STX18: variants seen among roughly 807,000 people sequenced by gnomAD.
The protein encoded by STX18 is syntaxin 18.
Under a neutral mutation model 50.1 loss-of-function variants are expected in STX18, and 40 were observed. The ratio of observed to expected loss-of-function variants is 0.80; its 90% CI spans 0.62 to 1.04. The LOEUF is 1.04. STX18 is among the 50% of genes least tolerant of loss of function. The pLI is 0.00. For synonymous variants in STX18, 158 were observed against 151.8 expected (o/e 1.04, Z -0.30); for missense variants, 410 against 415.8 (o/e 0.99, Z 0.12).
At chr4:4,437,157 C>T (rs1309312653) in intron 6 of STX18, among the ~76,000 whole-genome samples, 2 of 152,006 alleles carry the variant, frequency 1.3e-5, no homozygotes, top group Non-Finnish European at 2.9e-5. Flanking sequence ...TGGGGTTTTT[C>T]CATGTTAGGC....
intron 7 of STX18, 45 bp downstream of exon 7, chr4:4,434,725 T>C (rs779351757): frequency 2.1e-5 from 32 of 1,531,228 alleles, no homozygotes; most frequent in South Asian, 2.4e-5. Flanking sequence ...AACAGTCTTA[T>C]GAAAACCAGT....
At chr4:4,535,064 C>T (rs1731268564) in intron 1 of STX18, among the ~76,000 whole-genome samples, 1 of 152,214 alleles carries the variant, frequency 6.6e-6, no homozygotes, top group Non-Finnish European at 1.5e-5. Flanking sequence ...GTGCCACTGC[C>T]TTTGCTCACA....
Position 4,420,361 on chromosome 4 carries a change from A to C in STX18, c.913-232T>G. ...GTCCTGCACAATTCTCCCTCAACAC[A>C]ACTCTCGGAATCACTCCCTTCTGTC... On this transcript the variant is annotated intron_variant, in intron 10 of 10. Transcript: ENST00000306200. This position sits in a 1 kb window ranked among gnomAD's most constrained non-coding sequence, Gnocchi z 4.3. 1 of 515,934 alleles carries C rather than the reference A, an allele frequency of 1.9e-6. No homozygotes were observed. Among genetic ancestry groups the C allele is most frequent in the South Asian group, 2.3e-5 (1 of 43,438 alleles). 32.0% of individuals were successfully genotyped at this position (515,934 alleles called of 1,614,324 possible). A position where few individuals can be genotyped will look rare whatever the true frequency, so the allele number is the denominator to read the frequency against.
chr4:4,447,577 C>T (rs1159932633), intron 5 of STX18, among the ~76,000 whole-genome samples: 4 of 106,108 alleles, frequency 3.8e-5, no homozygotes, highest in African/African-American at 1.1e-4. Context: ...GGCGACAGAG[C>T]GAGACTCCGT....
At chr4:4,451,963 G>C (rs1222460137) in intron 5 of STX18, among the ~76,000 whole-genome samples, 1 of 152,218 alleles carries the variant, frequency 6.6e-6, no homozygotes, top group South Asian at 2.1e-4. Context: ...CGAAGAGTTA[G>C]CCAAGTTGTG....
At chr4:4,433,791 C>CCTCAG (rs1043115545) in intron 7 of STX18, among the ~76,000 whole-genome samples, 12 of 152,168 alleles carry the variant, frequency 7.9e-5, no homozygotes, top group African/African-American at 2.4e-4. Context: ...AACACAAACG[C>CCTCAG]CTCAGTCTGA....
chr4:4,499,619 G>A (rs765140685), intron 1 of STX18: 7 of 765,194 alleles, frequency 9.1e-6, no homozygotes, highest in Non-Finnish European at 1.1e-5. Flanking sequence ...TTATTCAATA[G>A]CTAATCCAAC....
chr4:4,457,351 C>G (rs1577339986), intron 4 of STX18, 72 bp downstream of exon 4: 1 of 1,565,326 alleles, frequency 6.4e-7, no homozygotes. Flanking sequence ...CAGTCTTCAG[C>G]TAGCAAAGCT....
chr4:4,471,394 G>A (rs879922298), intron 2 of STX18, among the ~76,000 whole-genome samples: 8 of 152,336 alleles, frequency 5.3e-5, no homozygotes, highest in East Asian at 1.9e-4. Context: ...TCATTTGACA[G>A]GAGATAATGG....
At chr4:4,459,306 T>A (rs1727253584) in intron 3 of STX18, 66 bp downstream of exon 3, 2 of 1,129,820 alleles carry the variant, frequency 1.8e-6, no homozygotes, top group Admixed American at 1.8e-5. Flanking sequence ...GGCCGCACCA[T>A]ATGCATCTTG....
At chr4:4,443,594 C>T (rs1418417235) in intron 5 of STX18, among the ~76,000 whole-genome samples, 1 of 152,150 alleles carries the variant, frequency 6.6e-6, no homozygotes, top group Non-Finnish European at 1.5e-5. Context: ...GAAGGTATTA[C>T]AAGAAGAGAA....
chr4:4,470,914 C>T (rs945190059), intron 2 of STX18, among the ~76,000 whole-genome samples: 2 of 152,148 alleles, frequency 1.3e-5, no homozygotes, highest in African/African-American at 4.8e-5. Flanking sequence ...TCATGGTGGG[C>T]TTACTCAGGT....
At chr4:4,472,242 C>A (rs112145901) in intron 1 of STX18, among the ~76,000 whole-genome samples, 1 of 152,296 alleles carries the variant, frequency 6.6e-6, no homozygotes, top group Non-Finnish European at 1.5e-5. Flanking sequence ...CTCAAAGATA[C>A]AGGTACAAAG....
intron 3 of STX18, among the ~76,000 whole-genome samples, chr4:4,458,475 C>T (rs887540138): frequency 1.3e-5 from 2 of 152,092 alleles, no homozygotes; most frequent in South Asian, 2.1e-4. Flanking sequence ...CCAAGTGGTC[C>T]GTCAGCATTC....
intron 2 of STX18, among the ~76,000 whole-genome samples, chr4:4,470,787 G>T (rs2108834890): frequency 6.6e-6 from 1 of 152,294 alleles, no homozygotes; most frequent in African/African-American, 2.4e-5. Flanking sequence ...AAGGAAGGCT[G>T]GCATGGCTGG....
intron 2 of STX18, among the ~76,000 whole-genome samples, chr4:4,468,055 T>C (rs969260564): frequency 6.6e-6 from 1 of 152,244 alleles, no homozygotes; most frequent in African/African-American, 2.4e-5. Flanking sequence ...TCAAGTACAG[T>C]GACTTGCCAT....
At chr4:4,522,701 T>C (rs1730567526) in intron 1 of STX18, among the ~76,000 whole-genome samples, 1 of 151,870 alleles carries the variant, frequency 6.6e-6, no homozygotes, top group Admixed American at 6.5e-5. Flanking sequence ...ATAAAAAATA[T>C]GTGAAGTGTG....
intron 2 of STX18, among the ~76,000 whole-genome samples, chr4:4,465,481 T>C (rs1239270559): frequency 6.6e-6 from 1 of 152,186 alleles, no homozygotes; most frequent in African/African-American, 2.4e-5. Context: ...TGGAATCCAT[T>C]ATCCTCAGCA....
At position 4,469,231 on chromosome 4, in the gene STX18, G is replaced by A. The variant is rs78313299; in HGVS notation, c.236+2408C>T. Among the ~76,000 whole-genome samples the A allele has an allele frequency of 1.6e-3, 247 of 152,290 alleles. 3 individuals are homozygous for A. The East Asian group carries it at 0.045, about 28-fold the overall frequency. ...TCCGTAGGCCAAGTCTAGCCTGCAG[G>A]CATGGCTCCCTATGGTCTGAGAACT... On this transcript the variant is annotated intron_variant, in intron 2 of 10. Transcript: ENST00000306200.
Sources: gnomAD v4.1 joint callset for allele counts (sites outside exome capture counted in the v4.1 genomes callset) on GRCh38, gnomAD v4.1.1 for gene constraint, Gnocchi (gnomAD v3.1) non-coding constraint, MANE v1.5 for transcripts, NCBI Gene and HGNC (gene_info 2026-07-23, HGNC 2026-07-21) for gene names.